Variants in CHD1 observed in about 807,000 individuals in gnomAD.
CHD1 encodes chromodomain helicase DNA binding protein 1.
In CHD1, 36 loss-of-function variants were observed where a neutral mutation model predicts 224.2. The observed-to-expected ratio is 0.16, with a 90% CI of 0.12 to 0.21. CHD1 has a LOEUF of 0.21. Ranked by LOEUF, CHD1 falls within the 10% of genes least tolerant of loss-of-function variation. The probability of loss-of-function intolerance (pLI) is 1.00; values close to 1 mark genes in which losing one functional copy is unlikely to be tolerated. For synonymous variants in CHD1, 668 were observed against 658.3 expected (o/e 1.01, Z -0.23); for missense variants, 1,378 against 1,994.8 (o/e 0.69, Z 5.89).
intron 2 of CHD1, among the ~76,000 whole-genome samples, chr5:98,916,929 G>A (rs161955): frequency 0.64 from 97,408 of 151,830 alleles, 33,932 homozygotes; most frequent in African/African-American, 0.92. Flanking sequence ...TTTCATATCC[G>A]ACCTCTGCCT....
Position 98,900,892 on chromosome 5 carries a change from C to T in CHD1, c.778G>A (p.Gly260Arg). ...TCCTCAGGTTGAGGAACATCCTCTC[C>T]ACAGACTTCCAGTAGGTCATCAGAA... ...TDSDDLLEVC[G>R]EDVPQPEEEE... is the part of the protein sequence containing the mutation. The change falls in exon 7 of 36, where the codon GGA (glycine) becomes AGA (arginine). Residue 260 changes from glycine to arginine, a missense_variant. Gly to Arg is a moderately radical substitution (Grantham distance 125, BLOSUM62 -2). This residue lies in a region of CHD1 where 306 missense variants were observed against 298.1 expected (regional missense o/e 1.03). Coordinates refer to ENST00000614616, the MANE Select transcript of CHD1 (RefSeq NM_001270.4). The T allele has an allele frequency of 6.2e-7, 1 of 1,613,912 alleles. No homozygotes were observed. The highest frequency in any genetic ancestry group is 8.5e-7 in the Non-Finnish European group (1 of 1,179,820).
chr5:98,867,379 T>C (rs1473159569), intron 31 of CHD1, among the ~76,000 whole-genome samples: 1 of 152,190 alleles, frequency 6.6e-6, no homozygotes, highest in African/African-American at 2.4e-5. Context: ...ACAATGCAAC[T>C]TTATAGCTAC....
rs1462781311 is a variant in CHD1, at chr5:98,901,254, G to A, written c.519C>T (p.Ser173=). The change falls in exon 6 of 36, where the codon AGC becomes AGT. Residue 173 remains serine, a synonymous_variant. Coordinates refer to ENST00000614616, the MANE Select transcript of CHD1 (RefSeq NM_001270.4). ...AATCAGATTCTGTTTCATCACAACT[G>A]CTTTTCTCTCTCTCTTCTTCAGATT... is the stretch of plus-strand genomic sequence containing the variant. The part of the protein sequence containing the change: ...DSESEEEREK[S]SCDETESDYE... The A allele has an allele frequency of 5.0e-6, 8 of 1,613,710 alleles. No homozygotes were observed. The highest frequency in any genetic ancestry group is 2.2e-5 in the East Asian group (1 of 44,846).
In CHD1 at chr5:98,867,560, G is replaced by A. The variant is rs1029273734; in HGVS notation, c.4248+935C>T. Among the ~76,000 whole-genome samples the A allele has an allele frequency of 6.0e-5, 9 of 150,364 alleles. No homozygotes were observed. The East Asian group carries it at 1.5e-3, about 26-fold the overall frequency. ...ATAAATAAGAAGCACTATTACACAT[G>A]TGTGTGTGTGTGTGTACATATTTAT... On this transcript the variant is annotated intron_variant, in intron 31 of 35. Transcript: ENST00000614616.
Position 98,902,984 on chromosome 5 carries a change from T to C in CHD1, c.373-20A>G, listed in dbSNP as rs1751819225. On this transcript the variant is annotated intron_variant, in intron 4 of 35. Coordinates refer to ENST00000614616, the MANE Select transcript of CHD1 (RefSeq NM_001270.4). ...GGAATCCTGTAGAAAAGAAATAAAG[T>C]CAGTATCATCCACTAATGATTAGAA... 4.1e-6 allele frequency: 6 copies of C among 1,465,850 alleles called. No homozygotes were observed. Among genetic ancestry groups the C allele is most frequent in the Non-Finnish European group, 5.7e-6 (6 of 1,052,194 alleles). 90.8% of individuals were successfully genotyped at this position (1,465,850 alleles called of 1,614,324 possible).
intron 12 of CHD1, among the ~76,000 whole-genome samples, chr5:98,894,938 C>A (rs1253558643): frequency 1.3e-5 from 2 of 151,954 alleles, no homozygotes; most frequent in African/African-American, 4.8e-5. Context: ...CCTCCTGCCT[C>A]AGCCTCCCGA....
At chr5:98,902,102 C>T (rs1056267467) in intron 5 of CHD1, among the ~76,000 whole-genome samples, 19 of 151,472 alleles carry the variant, frequency 1.3e-4, no homozygotes, top group Non-Finnish European at 2.7e-4. Context: ...TCAGGGCTTG[C>T]ACACCGAAAA....
chr5:98,911,146 A>AAAAAAAATATAT (rs1491111295), intron 2 of CHD1, among the ~76,000 whole-genome samples: 2 of 39,144 alleles, frequency 5.1e-5, no homozygotes, highest in Non-Finnish European at 9.0e-5. Flanking sequence ...AAAAAAAAAA[A>AAAAAAAATATAT]ATATATATAT....
chr5:98,922,145 A>AT (rs1730341376), intron 2 of CHD1, among the ~76,000 whole-genome samples: 1 of 152,080 alleles, frequency 6.6e-6, no homozygotes, highest in Non-Finnish European at 1.5e-5. Flanking sequence ...GTGAGACTCC[A>AT]TCTCAATTAA....
At position 98,889,175 on chromosome 5, in the gene CHD1, A is replaced by G; in HGVS notation, c.2244T>C (p.Phe748=). 6.2e-7 allele frequency: 1 copy of G among 1,611,544 alleles called. No individual in the cohort carries two copies. The highest frequency in any genetic ancestry group is 8.5e-7 in the Non-Finnish European group (1 of 1,178,056). The change falls in exon 16 of 36, where the codon TTT becomes TTC. Residue 748 remains phenylalanine (F), a synonymous_variant. Transcript: ENST00000614616. ...SKGSKGSTSG[F]LNIMMELKKC... ...TCTTTAGCTCCATCATAATGTTCAA[A>G]AAGCCTGAGGTACTGCCCTTGGAAC...
Position 98,908,798 on chromosome 5 carries a change from C to T in CHD1, c.54-3700G>A, listed in dbSNP as rs1177749918. On this transcript the variant is annotated intron_variant, in intron 2 of 35. Coordinates refer to ENST00000614616, the MANE Select transcript of CHD1 (RefSeq NM_001270.4). Reference sequence around the variant, plus strand: ...ATTCTTAATTCAGATAATACACCCACGGAATAAATAAATAAATAAACCCAT... The same window carrying T: ...ATTCTTAATTCAGATAATACACCCATGGAATAAATAAATAAATAAACCCAT... 5.9e-5 allele frequency among the ~76,000 whole-genome samples: 5 copies of T among 85,112 alleles called. No individual in the cohort carries two copies. The South Asian group carries it at 1.4e-3, about 25-fold the overall frequency. 55.8% of individuals were successfully genotyped at this position (85,112 alleles called of 152,430 possible). A position where few individuals can be genotyped will look rare whatever the true frequency, so the allele number is the denominator to read the frequency against.
intron 10 of CHD1, among the ~76,000 whole-genome samples, chr5:98,898,047 T>TAA (rs36094004): frequency 0.33 from 50,649 of 151,766 alleles, 10,147 homozygotes; most frequent in African/African-American, 0.56. Context: ...ACAATTTTTT[T>TAA]AAGAGAAAGT....
intron 23 of CHD1, among the ~76,000 whole-genome samples, chr5:98,878,050 A>C (rs905686361): frequency 1.3e-5 from 2 of 152,252 alleles, no homozygotes; most frequent in African/African-American, 4.8e-5. Context: ...ACAGAAATCA[A>C]GTACCATACA....
intron 4 of CHD1, 48 bp from the exon 5 acceptor site, chr5:98,903,012 T>A: frequency 8.7e-7 from 1 of 1,154,286 alleles, no homozygotes; most frequent in African/African-American, 1.6e-5. Flanking sequence ...GATTAGAATT[T>A]AACCATATTA....
rs750764982 is a variant in CHD1, at chr5:98,892,629, T to C, written c.2076A>G (p.Pro692=). The C allele has an allele frequency of 6.2e-7, 1 of 1,613,762 alleles. No individual in the cohort carries two copies. Among genetic ancestry groups the C allele is most frequent in the Non-Finnish European group, 8.5e-7 (1 of 1,179,782 alleles). The change falls in exon 15 of 36, where the codon CCA becomes CCG. Residue 692 remains proline (P), a synonymous_variant. Transcript: ENST00000614616. The part of the protein sequence containing the change: ...GYASLHKELE[P]FLLRRVKKDV... ...CTTTCTTAACTCGGCGTAACAGAAA[T>C]GGCTCAAGCTCCTTGTGAAGGCTTG...
At chr5:98,888,371 T>G (rs762163974) in intron 16 of CHD1, 131 bp from the exon 17 acceptor site, 65 of 691,642 alleles carry the variant, frequency 9.4e-5, no homozygotes, top group Non-Finnish European at 1.4e-4. Context: ...CTTATTTCAC[T>G]TTTCAAAATT....
chr5:98,925,394 G>A (rs1410461686), intron 2 of CHD1, among the ~76,000 whole-genome samples: 1 of 152,116 alleles, frequency 6.6e-6, no homozygotes, highest in Non-Finnish European at 1.5e-5. Context: ...AACAAGCCCA[G>A]CCGTGAACTT....
At chr5:98,890,902 T>A (rs934432720) in intron 15 of CHD1, among the ~76,000 whole-genome samples, 5 of 152,156 alleles carry the variant, frequency 3.3e-5, no homozygotes, top group African/African-American at 1.2e-4. Flanking sequence ...GATAATAAAC[T>A]CAGAGACAAA....
chr5:98,916,545 CAAAAAAA>C (rs33988135), intron 2 of CHD1, among the ~76,000 whole-genome samples: 2 of 40,420 alleles, frequency 4.9e-5, no homozygotes, highest in Non-Finnish European at 1.0e-4. Flanking sequence ...AACTCCGTCT[CAAAAAAA>C]AAAAAAAAAA....
Sources: gnomAD v4.1 joint callset for allele counts (sites outside exome capture counted in the v4.1 genomes callset) on GRCh38, gnomAD v4.1.1 for gene constraint, gnomAD v4.1.1 regional missense constraint, MANE v1.5 for transcripts, NCBI Gene and HGNC (gene_info 2026-07-23, HGNC 2026-07-21) for gene names.